EPB41L3: variants seen among roughly 807,000 people sequenced by gnomAD.
EPB41L3 encodes band 4.1-like protein 3.
A neutral mutation model predicts 127.1 loss-of-function variants in EPB41L3; 57 were observed. The ratio of observed to expected loss-of-function variants is 0.45; its 90% confidence interval spans 0.36 to 0.56. The LOEUF is 0.56. EPB41L3 is among the 20% of genes least tolerant of loss of function. EPB41L3 has a pLI of 0.00. For missense variants in EPB41L3, 1,273 were observed against 1,372.2 expected (o/e 0.93, Z 1.14); for synonymous variants, 572 against 549.5 (o/e 1.04, Z -0.57).
chr18:5,487,906 A>G (rs146755963), intron 2 of EPB41L3, among the ~76,000 whole-genome samples: 176 of 152,320 alleles, frequency 1.2e-3, no homozygotes, highest in South Asian at 4.1e-3. Context: ...TGCTGATTAT[A>G]TCTCTTATCT....
chr18:5,499,680 T>C (rs1296872270), intron 1 of EPB41L3, among the ~76,000 whole-genome samples: 1 of 151,734 alleles, frequency 6.6e-6, no homozygotes, highest in East Asian at 1.9e-4. Context: ...GGCAGGACAA[T>C]GGCGTGAACC....
chr18:5,612,294 T>C (rs2094736013), intron 3 of EPB41L3: 1 of 152,192 alleles, frequency 6.6e-6, no homozygotes, highest in Non-Finnish European at 1.5e-5. Flanking sequence ...AGGATGAGAG[T>C]AGTTGCCTAA....
At chr18:5,417,228 A>T (rs1160687707) in intron 12 of EPB41L3, among the ~76,000 whole-genome samples, 1 of 152,224 alleles carries the variant, frequency 6.6e-6, no homozygotes, top group African/African-American at 2.4e-5. Context: ...TTCTTAGCAG[A>T]TAAAGGGCAT....
chr18:5,622,459 G>T (rs531647400), intron 1 of EPB41L3, among the ~76,000 whole-genome samples: 1 of 152,324 alleles, frequency 6.6e-6, no homozygotes, highest in East Asian at 1.9e-4. Context: ...TGAAACTGCA[G>T]CAGGGTGAGT....
intron 3 of EPB41L3, among the ~76,000 whole-genome samples, chr18:5,611,877 T>A (rs2094729736): frequency 6.6e-6 from 1 of 152,170 alleles, no homozygotes; most frequent in Non-Finnish European, 1.5e-5. Context: ...GAGGATCACT[T>A]GAGCCCAGGA....
chr18:5,438,878 C>T (rs2146038383), intron 5 of EPB41L3, among the ~76,000 whole-genome samples: 1 of 152,318 alleles, frequency 6.6e-6, no homozygotes, highest in African/African-American at 2.4e-5. Flanking sequence ...TCTGTATTGT[C>T]AACACATATC....
intron 3 of EPB41L3, among the ~76,000 whole-genome samples, chr18:5,465,107 T>G (rs543064456): frequency 7.9e-5 from 12 of 152,230 alleles, no homozygotes; most frequent in Non-Finnish European, 1.6e-4. Context: ...CTACATCTTC[T>G]GTCTAATCTC....
In EPB41L3 at chr18:5,438,123, A is replaced by G. The variant is rs1443188105; in HGVS notation, c.530-13T>C. On this transcript the variant is annotated splice_polypyrimidine_tract_variant and intron_variant, in intron 5 of 22. Coordinates refer to ENST00000341928, the MANE Select transcript of EPB41L3 (RefSeq NM_012307.5). ...TGCCAAGCACCACCTGCAAGGATGG[A>G]AAAAAATTAGAGTAAAACCTTGAGA... 1.2e-6 allele frequency: 2 copies of G among 1,610,602 alleles called. No homozygotes were observed. The highest frequency in any genetic ancestry group is 1.7e-6 in the Non-Finnish European group (2 of 1,178,308).
intron 1 of EPB41L3, among the ~76,000 whole-genome samples, chr18:5,508,904 T>C (rs995589952): frequency 3.9e-5 from 6 of 152,128 alleles, no homozygotes; most frequent in African/African-American, 1.2e-4. Context: ...CAAACTCTGC[T>C]TAATTGTGAG....
chr18:5,535,103 G>A (rs575982961), intron 1 of EPB41L3, among the ~76,000 whole-genome samples: 2 of 152,176 alleles, frequency 1.3e-5, no homozygotes, highest in East Asian at 3.9e-4. Context: ...AATGTGAACC[G>A]CACACGTGAG....
upstream of EPB41L3, chr18:5,630,232 C>T (rs998667845): frequency 5.4e-6 from 2 of 372,802 alleles, no homozygotes; most frequent in South Asian, 2.0e-5. Flanking sequence ...AGGCAGCCCC[C>T]GGTCGGGCCA....
chr18:5,512,980 G>C (rs2092600254), intron 1 of EPB41L3, among the ~76,000 whole-genome samples: 1 of 152,176 alleles, frequency 6.6e-6, no homozygotes, highest in South Asian at 2.1e-4. Flanking sequence ...AGAATCCATA[G>C]AATATAGCAG....
intron 1 of EPB41L3, among the ~76,000 whole-genome samples, chr18:5,507,239 A>T (rs1366733613): frequency 6.6e-6 from 1 of 152,142 alleles, no homozygotes; most frequent in African/African-American, 2.4e-5. Context: ...ACACAAACAC[A>T]CACACATACA....
intron 8 of EPB41L3, 96 bp downstream of exon 8, chr18:5,433,373 T>A (rs2079263352): frequency 1.2e-6 from 1 of 828,188 alleles, no homozygotes; most frequent in African/African-American, 1.7e-5. Flanking sequence ...AGGTTTCATT[T>A]ACATTAACTG....
chr18:5,531,446 G>A (rs527892073), intron 1 of EPB41L3, among the ~76,000 whole-genome samples: 1 of 152,076 alleles, frequency 6.6e-6, no homozygotes, highest in Non-Finnish European at 1.5e-5. Context: ...CTATAGGTTG[G>A]GCACAGTGGT....
chr18:5,395,017 G>C (rs1394633413), intron 21 of EPB41L3, 50 bp downstream of exon 21: 1 of 1,566,998 alleles, frequency 6.4e-7, no homozygotes, highest in African/African-American at 1.3e-5. Context: ...AGGACCAACA[G>C]GTTTTTCTTT....
chr18:5,434,970 C>T (rs1216600847), intron 6 of EPB41L3, among the ~76,000 whole-genome samples: 3 of 152,050 alleles, frequency 2.0e-5, no homozygotes, highest in African/African-American at 4.8e-5. Context: ...GATGTGTAGG[C>T]GGTGACAGTG....
intron 6 of EPB41L3, among the ~76,000 whole-genome samples, chr18:5,434,517 T>C (rs567336382): frequency 1.3e-5 from 2 of 152,210 alleles, no homozygotes; most frequent in Non-Finnish European, 2.9e-5. Flanking sequence ...TGTTCTTAAG[T>C]ACAGTTATGT....
At chr18:5,561,951 G>A (rs908679867) in intron 3 of EPB41L3, among the ~76,000 whole-genome samples, 2 of 152,140 alleles carry the variant, frequency 1.3e-5, no homozygotes, top group Non-Finnish European at 2.9e-5. Context: ...GACATTCTAC[G>A]AAATGATGAG....
Sources: gnomAD v4.1 joint callset for allele counts (sites outside exome capture counted in the v4.1 genomes callset) on GRCh38, gnomAD v4.1.1 for gene constraint, MANE v1.5 for transcripts, NCBI Gene and HGNC (gene_info 2026-07-23, HGNC 2026-07-21) for gene names.